PHLDB1: variants seen among roughly 807,000 people sequenced by gnomAD.
PHLDB1 encodes the protein pleckstrin homology-like domain family B member 1.
PHLDB1 carries 65 observed loss-of-function variants against 139.3 expected under a neutral mutation model. The ratio of observed to expected loss-of-function variants is 0.47; its 90% confidence interval spans 0.38 to 0.57. The LOEUF (loss-of-function observed/expected upper bound fraction) is 0.57. PHLDB1 is among the 20% of genes least tolerant of loss of function. The pLI, the probability that PHLDB1 is intolerant of heterozygous loss-of-function variation, is 0.00. For synonymous variants in PHLDB1, 679 were observed against 734.5 expected (o/e 0.92, Z 1.22); for missense variants, 1,624 against 1,839.7 (o/e 0.88, Z 2.14).
chr11:118,656,107 G>T (rs965143014), intron 22 of PHLDB1, among the ~76,000 whole-genome samples: 9 of 151,298 alleles, frequency 5.9e-5, no homozygotes, highest in African/African-American at 2.2e-4. Flanking sequence ...CCCCATGGGG[G>T]TCTGGTGATA....
chr11:118,654,553 T>A (rs1341714650), intron 20 of PHLDB1: 5 of 152,134 alleles, frequency 3.3e-5, no homozygotes, highest in Non-Finnish European at 7.3e-5. Context: ...CAAATACTTT[T>A]TCTTGCACAA....
chr11:118,641,921 G>A (rs1565474082), intron 12 of PHLDB1: 2 of 620,030 alleles, frequency 3.2e-6, no homozygotes, highest in Non-Finnish European at 2.5e-6. Context: ...CTGTCTGGTG[G>A]CTGGTTTCAT....
chr11:118,624,620 A>ATTT (rs1943517851), intron 4 of PHLDB1: 1 of 48,416 alleles, frequency 2.1e-5, no homozygotes, highest in African/African-American at 8.7e-5. Context: ...TTTTTTTTTG[A>ATTT]GACAGAGTTT....
chr11:118,614,492 G>A lies in PHLDB1; in HGVS notation c.61-67G>A, dbSNP rs1941184566. 3 of 1,578,574 alleles carry A rather than the reference G, an allele frequency of 1.9e-6. No homozygotes were observed. In the East Asian group the frequency reaches 6.8e-5, roughly 36 times the overall value. On this transcript the variant is annotated intron_variant, in intron 2 of 22. Transcript: ENST00000600882. ...GGCGAGGGCTGGAGAGAGTGCTGGTGTGACTGGTTTAGGGTGGTAAGGTGC... is the reference window on the plus strand; with the variant it reads ...GGCGAGGGCTGGAGAGAGTGCTGGTATGACTGGTTTAGGGTGGTAAGGTGC...
In PHLDB1 at chr11:118,639,040, G is replaced by C. The variant is rs367824012; in HGVS notation, c.2646+39G>C. On this transcript the variant is annotated intron_variant, in intron 11 of 22. Transcript: ENST00000600882. ...GGTTGGGCCGGGAGATTTGGAGTAGGGTAAGTGGGAGGGGAGTGCAGAAGG... is the reference window on the plus strand; with the variant it reads ...GGTTGGGCCGGGAGATTTGGAGTAGCGTAAGTGGGAGGGGAGTGCAGAAGG... The C allele has an allele frequency of 8.8e-6, 14 of 1,583,468 alleles. No individual in the cohort carries two copies. The African/African-American group carries it at 1.9e-4, about 21-fold the overall frequency.
In PHLDB1 at chr11:118,631,473, G is replaced by A; in HGVS notation, c.2094G>A (p.Gln698=). ...KEECSSTEST[Q]QEHEDAPSTK... ...AGTGCAGCAGCACTGAGAGCACCCA[G>A]CAGGAGGTGAGATGGAGGGGTAGGC... Residue 698 remains glutamine, a synonymous_variant, in exon 7 of 23, where the codon CAG becomes CAA. Transcript: ENST00000600882. 1 of 1,426,708 alleles carries A rather than the reference G, an allele frequency of 7.0e-7. No homozygotes were observed. Among genetic ancestry groups the A allele is most frequent in the Non-Finnish European group, 9.1e-7 (1 of 1,093,860 alleles). The allele number at this position is 1,426,708 out of a possible 1,614,324, so 88.4% of individuals were successfully genotyped here. A position where few individuals can be genotyped will look rare whatever the true frequency, so the allele number is the denominator to read the frequency against.
At position 118,631,301 on chromosome 11, in the gene PHLDB1, A is replaced by G. The variant is rs782268131; in HGVS notation, c.1922A>G (p.Glu641Gly). Residue 641 changes from glutamate (E) to glycine (G), a missense_variant, in exon 7 of 23, where the codon GAG becomes GGG. By Grantham distance (98) the Glu-to-Gly change is moderately conservative. Transcript: ENST00000600882. Reference sequence around the variant, plus strand: ...GCTGGGGAGCTTCCCAGCATTGGGGAGGCCACCGCAGCATTGGCACTGGCA... The same window carrying G: ...GCTGGGGAGCTTCCCAGCATTGGGGGGGCCACCGCAGCATTGGCACTGGCA... ...PEAGELPSIG[E>G]ATAALALAGR... is the part of the protein sequence containing the mutation. 6.5e-7 allele frequency: 1 copy of G among 1,534,988 alleles called. No homozygotes were observed. The highest frequency in any genetic ancestry group is 8.8e-7 in the Non-Finnish European group (1 of 1,141,876).
Position 118,656,778 on chromosome 11 carries a change from T to C in PHLDB1, c.4089T>C (p.Asp1363=). Residue 1363 remains aspartate (D), a synonymous_variant, in exon 23 of 23, where the codon GAT becomes GAC. Transcript: ENST00000600882. ...PSAEAMRIWM[D]VIVTGAEGYT... is the part of the protein sequence containing the mutation. ...CAGAGGCCATGCGTATCTGGATGGA[T>C]GTCATTGTCACAGGGGCTGAGGGCT... The C allele has an allele frequency of 1.9e-6, 3 of 1,614,052 alleles. No homozygotes were observed. The highest frequency in any genetic ancestry group is 2.5e-6 in the Non-Finnish European group (3 of 1,179,906).
rs1555135743 is a variant in PHLDB1 at position 118,650,579 on chromosome 11, G to C, written c.3874+32G>C. ...TCCCACAAGGCCACCCTGGGGGCCA[G>C]CCAGGATCCCTGGGCTCTGTTACCC... On this transcript the variant is annotated intron_variant, in intron 20 of 22. Coordinates refer to ENST00000600882, the MANE Select transcript of PHLDB1 (RefSeq NM_001144758.3). The surrounding 1 kb of genome is among the most constrained non-coding windows in gnomAD (Gnocchi z 4.7). 2 of 1,457,556 alleles carry C rather than the reference G, an allele frequency of 1.4e-6. No individual in the cohort carries two copies. Among genetic ancestry groups the C allele is most frequent in the Middle Eastern group, 1.8e-4 (1 of 5,472 alleles). 90.3% of individuals were successfully genotyped at this position (1,457,556 alleles called of 1,614,324 possible).
At chr11:118,639,650 G>C (rs781825143) in intron 12 of PHLDB1, 1 of 239,458 alleles carries the variant, frequency 4.2e-6, no homozygotes, top group Non-Finnish European at 8.1e-6. Context: ...TTAGGCATTT[G>C]TCTCAGAAGA....
At position 118,635,459 on chromosome 11, in the gene PHLDB1, G is replaced by A; in HGVS notation, c.2446G>A (p.Glu816Lys). Residue 816 changes from glutamate to lysine, a missense_variant, in exon 10 of 23, where the codon GAG (glutamate) becomes AAG (lysine). By Grantham distance (56) the Glu-to-Lys change is moderately conservative. Coordinates refer to ENST00000600882, the MANE Select transcript of PHLDB1 (RefSeq NM_001144758.3). The part of the protein sequence containing the change: ...EDLEFQQLER[E>K]SRVEEERELA... ...CTTGGAGTTCCAGCAGTTGGAGCGGGAGAGCCGCGTGGAGGAGGAGCGCGA... is the reference window on the plus strand; with the variant it reads ...CTTGGAGTTCCAGCAGTTGGAGCGGAAGAGCCGCGTGGAGGAGGAGCGCGA... 1.2e-6 allele frequency: 2 copies of A among 1,612,186 alleles called. No individual in the cohort carries two copies. The highest frequency in any genetic ancestry group is 1.7e-6 in the Non-Finnish European group (2 of 1,179,342).
rs869176444 is a variant in PHLDB1, at chr11:118,611,827, A to AT, written c.-21-1989_-21-1988insT. Among the ~76,000 whole-genome samples, 4,986 of 141,564 alleles carry AT rather than the reference A, an allele frequency of 0.035. 286 individuals carry two copies. The highest frequency in any genetic ancestry group is 0.12 in the African/African-American group (4,624 of 39,600). The allele number at this position is 141,564 out of a possible 152,430, so 92.9% of individuals were successfully genotyped here. ...GAGTGAAACTCCGTCTCAAAAAAAA[A>AT]AAAAAAATAATAATAATAATAATAA... is the stretch of plus-strand genomic sequence containing the variant. On this transcript the variant is annotated intron_variant, in intron 1 of 22. Transcript: ENST00000600882. The surrounding 1 kb of genome is among the most constrained non-coding windows in gnomAD (Gnocchi z 4.7).
Position 118,650,416 on chromosome 11 carries a change from G to T in PHLDB1, c.3772-29G>T, listed in dbSNP as rs1009902254. ...TTAAGGCTTAAGGGCTGCATATTTGGGTCCTTCCTTACTCCTGCTTCCTAC... is the reference window on the plus strand; with the variant it reads ...TTAAGGCTTAAGGGCTGCATATTTGTGTCCTTCCTTACTCCTGCTTCCTAC... On this transcript the variant is annotated intron_variant, in intron 19 of 22. Transcript: ENST00000600882. The surrounding 1 kb of genome is among the most constrained non-coding windows in gnomAD (Gnocchi z 4.7). 3 of 1,465,498 alleles carry T rather than the reference G, an allele frequency of 2.0e-6. No individual in the cohort carries two copies. Among genetic ancestry groups the T allele is most frequent in the South Asian group, 2.3e-5 (2 of 88,148 alleles). 90.8% of individuals were successfully genotyped at this position (1,465,498 alleles called of 1,614,324 possible). A position where few individuals can be genotyped will look rare whatever the true frequency, so the allele number is the denominator to read the frequency against.
At chr11:118,646,208 C>G in intron 17 of PHLDB1, 1 of 158,632 alleles carries the variant, frequency 6.3e-6, no homozygotes, top group South Asian at 1.4e-4. Context: ...TGCAGTAAGC[C>G]GAGATCGCAC....
intron 21 of PHLDB1, 56 bp from the exon 22 acceptor site, chr11:118,655,804 C>CCTCTA: frequency 6.4e-7 from 1 of 1,550,474 alleles, no homozygotes; most frequent in Non-Finnish European, 8.9e-7. Flanking sequence ...AGGCTCCAAC[C>CCTCTA]CAGTCCTTGT....
chr11:118,624,205 G>C (rs1449555680), intron 4 of PHLDB1: 1 of 152,084 alleles, frequency 6.6e-6, no homozygotes, highest in East Asian at 1.9e-4. Context: ...TGGCCTCTCT[G>C]AATATATTTT....
chr11:118,608,827 C>T lies in PHLDB1; in HGVS notation c.-22+1128C>T, dbSNP rs973962422. ...CCTTACGCCTCACAGGAAAGCGCCC[C>T]GCGCTCACGCAGCCCCTCACACCCG... On this transcript the variant is annotated intron_variant, in intron 1 of 22. Transcript: ENST00000600882. This position sits in a 1 kb window ranked among gnomAD's most constrained non-coding sequence, Gnocchi z 6.7. Among the ~76,000 whole-genome samples the T allele has an allele frequency of 6.6e-6, 1 of 152,130 alleles. No homozygotes were observed. Among genetic ancestry groups the T allele is most frequent in the Non-Finnish European group, 1.5e-5 (1 of 68,014 alleles).
intron 1 of PHLDB1, 132 bp from the exon 2 acceptor site, chr11:118,613,684 C>G (rs1221984593): frequency 1.6e-6 from 1 of 626,652 alleles, no homozygotes; most frequent in Non-Finnish European, 2.7e-6. Flanking sequence ...CCTCTATTTC[C>G]CTTCAGCATG....
intron 7 of PHLDB1, 138 bp from the exon 8 acceptor site, chr11:118,631,775 C>G (rs517124): frequency 0.44 from 328,223 of 749,752 alleles, 56,082 homozygotes; most frequent in East Asian, 0.6. Flanking sequence ...GTGGGGGTTG[C>G]GGGGGGGCAG....
Sources: gnomAD v4.1 joint callset for allele counts (sites outside exome capture counted in the v4.1 genomes callset) on GRCh38, gnomAD v4.1.1 for gene constraint, Gnocchi (gnomAD v3.1) non-coding constraint, MANE v1.5 for transcripts, NCBI Gene and HGNC (gene_info 2026-07-23, HGNC 2026-07-21) for gene names.